Variants in HECA observed in about 807,000 individuals in gnomAD.
HECA encodes HECA ribonucleoprotein granule regulator.
HECA carries 13 observed loss-of-function variants against 37.6 expected under a neutral mutation model. The ratio of observed to expected loss-of-function variants is 0.35; its 90% CI spans 0.23 to 0.55. The LOEUF (loss-of-function observed/expected upper bound fraction) is 0.55. Among genes scored for constraint, HECA ranks in the 20% least tolerant of loss-of-function variants. The pLI, the probability that HECA is intolerant of heterozygous loss-of-function variation, is 0.90. For synonymous variants in HECA, 307 were observed against 291.5 expected (o/e 1.05, Z -0.54); for missense variants, 527 against 701.9 (o/e 0.75, Z 2.82).
intron 1 of HECA, among the ~76,000 whole-genome samples, chr6:139,138,143 GT>G (rs1180067540): frequency 6.6e-6 from 1 of 151,828 alleles, no homozygotes; most frequent in South Asian, 2.1e-4. Context: ...TTCTTTCTTT[GT>G]TTTTTTCTTT....
chr6:139,161,674 A>G (rs1447034558), intron 1 of HECA, among the ~76,000 whole-genome samples: 1 of 152,248 alleles, frequency 6.6e-6, no homozygotes, highest in Admixed American at 6.5e-5. Context: ...AGAAATATCA[A>G]GTCAGTCTCA....
chr6:139,140,666 C>T (rs1335989985), intron 1 of HECA, among the ~76,000 whole-genome samples: 1 of 152,220 alleles, frequency 6.6e-6, no homozygotes, highest in East Asian at 1.9e-4. Flanking sequence ...AAATCTCTTG[C>T]AGCTTAATCC....
Position 139,180,587 on chromosome 6 carries a change from G to T in HECA, c.*3482G>T, listed in dbSNP as rs1465334678. 6.6e-6 allele frequency: 1 copy of T among 152,572 alleles called. No homozygotes were observed. The highest frequency in any genetic ancestry group is 1.5e-5 in the Non-Finnish European group (1 of 68,018). The allele number at this position is 152,572 out of a possible 1,614,324, so 9.5% of individuals were successfully genotyped here. On this transcript the variant is annotated 3_prime_UTR_variant, in exon 4 of 4. Transcript: ENST00000367658. ...CGGGTAATTGAAAGAAAATATAATGGATGGGCTCCATTAAAACCAGCTCAA... is the reference window on the plus strand; with the variant it reads ...CGGGTAATTGAAAGAAAATATAATGTATGGGCTCCATTAAAACCAGCTCAA...
intron 1 of HECA, among the ~76,000 whole-genome samples, chr6:139,161,717 G>A (rs1453993859): frequency 6.6e-6 from 1 of 152,242 alleles, no homozygotes; most frequent in African/African-American, 2.4e-5. Context: ...GAATGCAAAT[G>A]TTAGTTAGAT....
At chr6:139,154,510 ACAG>A (rs1429935258) in intron 1 of HECA, among the ~76,000 whole-genome samples, 1 of 152,242 alleles carries the variant, frequency 6.6e-6, no homozygotes, top group East Asian at 1.9e-4. Context: ...AATATTTTGA[ACAG>A]CAGGGAGTTG....
chr6:139,140,488 G>A (rs1262179017), intron 1 of HECA, among the ~76,000 whole-genome samples: 7 of 152,154 alleles, frequency 4.6e-5, no homozygotes, highest in African/African-American at 1.7e-4. Flanking sequence ...TCTGTGCGCC[G>A]TTCATGGTGC....
At chr6:139,160,604 G>A (rs752771744) in intron 1 of HECA, among the ~76,000 whole-genome samples, 3 of 152,034 alleles carry the variant, frequency 2.0e-5, no homozygotes, top group Non-Finnish European at 1.5e-5. Flanking sequence ...TCATGGAGAC[G>A]GAGTCTCACT....
chr6:139,155,977 T>C (rs117071296), intron 1 of HECA, among the ~76,000 whole-genome samples: 11 of 152,248 alleles, frequency 7.2e-5, no homozygotes, highest in Non-Finnish European at 1.2e-4. Flanking sequence ...ATTATAAAAG[T>C]GCTTTCTTAC....
At position 139,177,146 on chromosome 6, in the gene HECA, T is replaced by C. The variant is rs1775063767; in HGVS notation, c.*41T>C. The C allele has an allele frequency of 2.6e-6, 2 of 758,458 alleles. No homozygotes were observed. Among genetic ancestry groups the C allele is most frequent in the Non-Finnish European group, 4.6e-6 (2 of 434,238 alleles). The allele number at this position is 758,458 out of a possible 1,614,324, so 47.0% of individuals were successfully genotyped here. A position where few individuals can be genotyped will look rare whatever the true frequency, so the allele number is the denominator to read the frequency against. On this transcript the variant is annotated 3_prime_UTR_variant, in exon 4 of 4. Transcript: ENST00000367658. The surrounding 1 kb of genome is among the most constrained non-coding windows in gnomAD (Gnocchi z 4.9). ...AGTAATAGCTATTTTATTGATATTA[T>C]TACTTTATTACATATCTTTTATAGG...
chr6:139,150,065 CT>C (rs1434181854), intron 1 of HECA, among the ~76,000 whole-genome samples: 3 of 152,202 alleles, frequency 2.0e-5, no homozygotes, highest in African/African-American at 7.2e-5. Context: ...GGCTTTTCTG[CT>C]TTCTCCTCTT....
At chr6:139,173,495 A>G (rs1775005342) in intron 2 of HECA, among the ~76,000 whole-genome samples, 1 of 152,192 alleles carries the variant, frequency 6.6e-6, no homozygotes. Context: ...CTGAAGACCC[A>G]TAGTCTGACT....
intron 1 of HECA, among the ~76,000 whole-genome samples, chr6:139,155,109 G>A (rs1774696486): frequency 6.6e-6 from 1 of 152,182 alleles, no homozygotes; most frequent in East Asian, 1.9e-4. Context: ...ACAAAGTATA[G>A]CCTACTACAT....
chr6:139,158,239 A>T (rs994674884), intron 1 of HECA, among the ~76,000 whole-genome samples: 1 of 152,068 alleles, frequency 6.6e-6, no homozygotes, highest in Non-Finnish European at 1.5e-5. Context: ...TCGGTGGCTC[A>T]TGCCTGTAAT....
chr6:139,160,613 C>T (rs758950454), intron 1 of HECA, among the ~76,000 whole-genome samples: 5 of 152,156 alleles, frequency 3.3e-5, no homozygotes, highest in Non-Finnish European at 7.3e-5. Context: ...CGGAGTCTCA[C>T]TATGTTGTCC....
intron 1 of HECA, among the ~76,000 whole-genome samples, chr6:139,136,999 C>G (rs570720311): frequency 2.6e-4 from 39 of 152,180 alleles, no homozygotes; most frequent in Non-Finnish European, 2.1e-4. Flanking sequence ...TGAACATAGG[C>G]GGCTGAATGT....
intron 1 of HECA, among the ~76,000 whole-genome samples, chr6:139,141,053 G>T (rs1008912719): frequency 6.6e-6 from 1 of 152,188 alleles, no homozygotes; most frequent in Non-Finnish European, 1.5e-5. Flanking sequence ...GCCTCCCAAA[G>T]TGCTGAGATT....
chr6:139,157,157 G>A (rs150275533), intron 1 of HECA, among the ~76,000 whole-genome samples: 3,137 of 152,236 alleles, frequency 0.021, 116 homozygotes, highest in African/African-American at 0.071. Context: ...ACTTCCTGAC[G>A]TTGCCATGGC....
intron 1 of HECA, among the ~76,000 whole-genome samples, chr6:139,153,734 A>T (rs796516887): frequency 1.7e-4 from 26 of 152,282 alleles, no homozygotes; most frequent in African/African-American, 6.0e-4. Flanking sequence ...AAATAATAGA[A>T]ATTTTACATT....
chr6:139,151,807 A>G (rs1229885347), intron 1 of HECA, among the ~76,000 whole-genome samples: 2 of 152,208 alleles, frequency 1.3e-5, no homozygotes, highest in East Asian at 1.9e-4. Flanking sequence ...ACTATTCTCA[A>G]TTGTAGAACT....
Sources: allele counts gnomAD v4.1 joint callset (sites outside exome capture counted in the v4.1 genomes callset), GRCh38; gene constraint gnomAD v4.1.1; non-coding constraint Gnocchi (gnomAD v3.1); transcripts MANE v1.5; gene names NCBI Gene and HGNC (gene_info 2026-07-23, HGNC 2026-07-21).